RNF169: variants seen among roughly 807,000 people sequenced by gnomAD.
RNF169 encodes E3 ubiquitin-protein ligase RNF169.
RNF169 carries 24 observed loss-of-function variants against 53.9 expected under a neutral mutation model. The observed-to-expected ratio is 0.45, with a 90% CI of 0.32 to 0.63. The LOEUF is 0.63. Ranked by LOEUF, RNF169 falls within the 20% of genes least tolerant of loss-of-function variation. RNF169 has a pLI of 0.04. For synonymous variants in RNF169, 396 were observed against 363.5 expected (o/e 1.09, Z -1.02); for missense variants, 883 against 906.2 (o/e 0.97, Z 0.33).
At chr11:74,797,603 C>G (rs1186352513) in intron 2 of RNF169, among the ~76,000 whole-genome samples, 9 of 152,166 alleles carry the variant, frequency 5.9e-5, no homozygotes, top group Non-Finnish European at 1.3e-4. Flanking sequence ...TTCTAATCAT[C>G]TAGTTTCACA....
chr11:74,820,160 A>G (rs2035990995), intron 4 of RNF169, among the ~76,000 whole-genome samples: 1 of 152,168 alleles, frequency 6.6e-6, no homozygotes. Flanking sequence ...AACCAAGCAG[A>G]TGCATAAGTG....
rs1364926938 is a variant in RNF169, at chr11:74,838,827, CTT to C, written c.*2098_*2099del. ...TTACTATAAATGCCCTTAGAGGAAACTTATCAGTTACTGCCATTTCACGCATT... is the reference window on the plus strand; with the variant it reads ...TTACTATAAATGCCCTTAGAGGAAACATCAGTTACTGCCATTTCACGCATT... On this transcript the variant is annotated 3_prime_UTR_variant, in exon 6 of 6. Coordinates refer to ENST00000299563, the MANE Select transcript of RNF169 (RefSeq NM_001098638.2). The C allele has an allele frequency of 2.0e-5, 3 of 152,138 alleles. No individual in the cohort carries two copies. Among genetic ancestry groups the C allele is most frequent in the Admixed American group, 1.3e-4 (2 of 15,282 alleles). 9.4% of individuals were successfully genotyped at this position (152,138 alleles called of 1,614,324 possible).
At chr11:74,795,646 A>C (rs1591410589) in intron 2 of RNF169, among the ~76,000 whole-genome samples, 1 of 152,314 alleles carries the variant, frequency 6.6e-6, no homozygotes, top group East Asian at 1.9e-4. Flanking sequence ...GGATCTCTTG[A>C]GCCCAGGAGT....
rs994686585 is a variant in RNF169, at chr11:74,842,206, A to T, written c.*5476A>T. 2.0e-5 allele frequency: 3 copies of T among 152,246 alleles called. No individual in the cohort carries two copies. Among genetic ancestry groups the T allele is most frequent in the Admixed American group, 1.3e-4 (2 of 15,286 alleles). The allele number at this position is 152,246 out of a possible 1,614,324, so 9.4% of individuals were successfully genotyped here. A position where few individuals can be genotyped will look rare whatever the true frequency, so the allele number is the denominator to read the frequency against. On this transcript the variant is annotated 3_prime_UTR_variant, in exon 6 of 6. Transcript: ENST00000299563. ...CTGCTGGCTGCCTCCTCTCCAACTC[A>T]TCAGAAGAGCATTTTGACAAAGACA...
intron 1 of RNF169, among the ~76,000 whole-genome samples, chr11:74,783,880 A>G (rs2035452082): frequency 6.6e-6 from 1 of 152,236 alleles, no homozygotes; most frequent in Admixed American, 6.5e-5. Flanking sequence ...TTTATTAAAA[A>G]TCTGGGAAAC....
At chr11:74,834,947 A>T (rs1361531735) in intron 5 of RNF169, among the ~76,000 whole-genome samples, 172 bp downstream of exon 5, 1 of 152,098 alleles carries the variant, frequency 6.6e-6, no homozygotes, top group Non-Finnish European at 1.5e-5. Context: ...TTGAATTAGT[A>T]GCCAGATGGG....
Position 74,796,788 on chromosome 11 carries a change from C to T in RNF169, c.576+7089C>T, listed in dbSNP as rs368755805. On this transcript the variant is annotated intron_variant, in intron 2 of 5. Transcript: ENST00000299563. ...GTTATTCTGTGGAGCATATGAGTGGCTTAGGCTTTCTTTGGATTGGTTTCT... is the reference window on the plus strand; with the variant it reads ...GTTATTCTGTGGAGCATATGAGTGGTTTAGGCTTTCTTTGGATTGGTTTCT... 1.1e-4 allele frequency among the ~76,000 whole-genome samples: 16 copies of T among 152,338 alleles called. No individual in the cohort carries two copies. In the South Asian group the frequency reaches 3.3e-3, roughly 32 times the overall value.
chr11:74,805,797 T>G (rs2035795256), intron 2 of RNF169, among the ~76,000 whole-genome samples: 1 of 152,134 alleles, frequency 6.6e-6, no homozygotes, highest in African/African-American at 2.4e-5. Flanking sequence ...ATTTTTTTTT[T>G]CAACCCTACG....
At chr11:74,770,117 A>G (rs1270593022) in intron 1 of RNF169, among the ~76,000 whole-genome samples, 2 of 152,180 alleles carry the variant, frequency 1.3e-5, no homozygotes, top group African/African-American at 4.8e-5. Context: ...ACAGTTTGAT[A>G]ATGAAAGGAA....
At chr11:74,769,341 A>G (rs1163474946) in intron 1 of RNF169, among the ~76,000 whole-genome samples, 1 of 152,252 alleles carries the variant, frequency 6.6e-6, no homozygotes, top group African/African-American at 2.4e-5. Context: ...ATAATTTGTA[A>G]TTGATTAATT....
intron 1 of RNF169, among the ~76,000 whole-genome samples, chr11:74,751,943 A>T (rs753339591): frequency 6.6e-6 from 1 of 152,222 alleles, no homozygotes; most frequent in Non-Finnish European, 1.5e-5. Flanking sequence ...CAATGAAAAG[A>T]TTCCCTTTGG....
In RNF169 at chr11:74,785,173, G is replaced by C. The variant is rs745804046; in HGVS notation, c.503-4453G>C. 1.7e-3 allele frequency among the ~76,000 whole-genome samples: 106 copies of C among 62,758 alleles called. No homozygotes were observed. In the East Asian group the frequency reaches 0.024, roughly 14 times the overall value. The allele number at this position is 62,758 out of a possible 152,430, so 41.2% of individuals were successfully genotyped here. ...CATGTATTTTTATATATATATATAT[G>C]ATATATATATATGATATATATATGA... On this transcript the variant is annotated intron_variant, in intron 1 of 5. Coordinates refer to ENST00000299563, the MANE Select transcript of RNF169 (RefSeq NM_001098638.2).
intron 4 of RNF169, among the ~76,000 whole-genome samples, chr11:74,829,235 GAA>G (rs1244461780): frequency 1.3e-5 from 2 of 152,202 alleles, no homozygotes; most frequent in African/African-American, 4.8e-5. Flanking sequence ...ACCAGCATAT[GAA>G]AAAGAGCTTG....
intron 3 of RNF169, among the ~76,000 whole-genome samples, chr11:74,814,183 A>T (rs2035912830): frequency 6.6e-6 from 1 of 151,686 alleles, no homozygotes; most frequent in Non-Finnish European, 1.5e-5. Context: ...TTAGCTGGCC[A>T]TGGTGGCACG....
At chr11:74,774,020 A>G (rs1391597458) in intron 1 of RNF169, among the ~76,000 whole-genome samples, 1 of 152,212 alleles carries the variant, frequency 6.6e-6, no homozygotes, top group Admixed American at 6.5e-5. Context: ...AAGATGAGTA[A>G]GACACAAACC....
chr11:74,787,456 T>G (rs2035520410), intron 1 of RNF169, among the ~76,000 whole-genome samples: 1 of 152,320 alleles, frequency 6.6e-6, no homozygotes, highest in East Asian at 1.9e-4. Context: ...AAATTTCATC[T>G]GTTAGATTAG....
chr11:74,809,595 G>A (rs1276848175), intron 2 of RNF169, among the ~76,000 whole-genome samples: 1 of 152,140 alleles, frequency 6.6e-6, no homozygotes, highest in Non-Finnish European at 1.5e-5. Flanking sequence ...CTAGGCAGGC[G>A]GATTGCTTGA....
intron 1 of RNF169, among the ~76,000 whole-genome samples, chr11:74,751,151 G>A (rs1328118784): frequency 6.6e-6 from 1 of 152,072 alleles, no homozygotes; most frequent in Non-Finnish European, 1.5e-5. Flanking sequence ...GATTACAGGC[G>A]TGAGCCACTG....
At chr11:74,808,425 C>T (rs944780596) in intron 2 of RNF169, among the ~76,000 whole-genome samples, 1 of 152,112 alleles carries the variant, frequency 6.6e-6, no homozygotes, top group African/African-American at 2.4e-5. Flanking sequence ...ACACAGACTC[C>T]ACTTCCCCAG....
Sources: allele counts gnomAD v4.1 joint callset (sites outside exome capture counted in the v4.1 genomes callset), GRCh38; gene constraint gnomAD v4.1.1; transcripts MANE v1.5; gene names NCBI Gene and HGNC (gene_info 2026-07-23, HGNC 2026-07-21).